SLC5A4: variants seen among roughly 807,000 people sequenced by gnomAD.
SLC5A4 encodes the protein probable glucose sensor protein SLC5A4.
Under a neutral mutation model 70.3 loss-of-function variants are expected in SLC5A4, and 55 were observed. The observed-to-expected ratio is 0.78, with a 90% CI of 0.63 to 0.98. The LOEUF is 0.98. Among genes scored for constraint, SLC5A4 ranks in the 50% least tolerant of loss-of-function variants. SLC5A4 has a pLI of 0.00. For synonymous variants in SLC5A4, 268 were observed against 305.7 expected (o/e 0.88, Z 1.29); for missense variants, 735 against 839.2 (o/e 0.88, Z 1.53).
At chr22:32,340,047 C>T in the SLC5A4 span, among the ~76,000 whole-genome samples, 2 of 152,238 alleles carry the variant, frequency 1.3e-5, no homozygotes, top group Admixed American at 1.3e-4. Context: ...AGAAGTTGCT[C>T]TTCCCAGTAG....
chr22:32,257,826 C>T (rs1273845599), upstream of SLC5A4, among the ~76,000 whole-genome samples: 2 of 151,614 alleles, frequency 1.3e-5, no homozygotes, highest in African/African-American at 2.4e-5. Flanking sequence ...CCACCATGCC[C>T]GGCTATTTTT....
At chr22:32,333,255 C>T in the SLC5A4 span, among the ~76,000 whole-genome samples, 1 of 146,860 alleles carries the variant, frequency 6.8e-6, no homozygotes, top group East Asian at 2.1e-4. Context: ...GGAAACAGGC[C>T]ACGGGGCTCT....
At chr22:32,342,479 A>C in the SLC5A4 span, among the ~76,000 whole-genome samples, 3 of 152,312 alleles carry the variant, frequency 2.0e-5, no homozygotes, top group African/African-American at 7.2e-5. Flanking sequence ...ACAGACTTTA[A>C]GATAAACAAA....
chr22:32,312,827 G>C, the SLC5A4 span, among the ~76,000 whole-genome samples: 1 of 152,174 alleles, frequency 6.6e-6, no homozygotes, highest in Non-Finnish European at 1.5e-5. Flanking sequence ...TTTTCTGGAG[G>C]AAATACAAGG....
chr22:32,276,044 G>A, the SLC5A4 span, among the ~76,000 whole-genome samples: 2 of 151,954 alleles, frequency 1.3e-5, no homozygotes, highest in Non-Finnish European at 2.9e-5. Flanking sequence ...CATATCCTTC[G>A]CCACAATTTT....
the SLC5A4 span, among the ~76,000 whole-genome samples, chr22:32,294,821 A>C: frequency 0.26 from 9,352 of 36,136 alleles, 92 homozygotes; most frequent in Middle Eastern, 0.29. Flanking sequence ...CCCCTCCCCC[A>C]ACCCCACAAC....
the SLC5A4 span, among the ~76,000 whole-genome samples, chr22:32,298,522 T>A: frequency 3.9e-4 from 38 of 96,242 alleles, 7 homozygotes; most frequent in South Asian, 0.014. Flanking sequence ...TCTTCCTCCA[T>A]CCTATTATTT....
At chr22:32,336,123 G>A in the SLC5A4 span, among the ~76,000 whole-genome samples, 1 of 152,080 alleles carries the variant, frequency 6.6e-6, no homozygotes, top group African/African-American at 2.4e-5. Context: ...GCCTGATCTG[G>A]GAGCTGGGCC....
chr22:32,316,942 G>GTA, the SLC5A4 span, among the ~76,000 whole-genome samples: 4 of 151,026 alleles, frequency 2.6e-5, no homozygotes, highest in African/African-American at 9.7e-5. Context: ...CTCTGTGTGT[G>GTA]TGTGTGTGTG....
chr22:32,334,933 T>C, the SLC5A4 span, among the ~76,000 whole-genome samples: 15 of 152,198 alleles, frequency 9.9e-5, no homozygotes, highest in African/African-American at 3.6e-4. Flanking sequence ...TCCACACTTG[T>C]AGGAGGAGCT....
intron 14 of SLC5A4, among the ~76,000 whole-genome samples, chr22:32,219,893 A>G (rs557518586): frequency 2.0e-4 from 30 of 152,228 alleles, no homozygotes; most frequent in African/African-American, 6.3e-4. Context: ...GAATAACTTT[A>G]TGCCAATATA....
At chr22:32,262,444 T>C in the SLC5A4 span, among the ~76,000 whole-genome samples, 17 of 152,184 alleles carry the variant, frequency 1.1e-4, no homozygotes, top group Non-Finnish European at 2.2e-4. Flanking sequence ...TAGCAGCTTC[T>C]AGTTACCCTG....
intron 3 of SLC5A4, among the ~76,000 whole-genome samples, chr22:32,250,624 T>C (rs1180317997): frequency 6.6e-6 from 1 of 152,240 alleles, no homozygotes; most frequent in African/African-American, 2.4e-5. Flanking sequence ...CAAAGGATTA[T>C]AAATCATTCT....
chr22:32,336,354 TTTG>T, the SLC5A4 span, among the ~76,000 whole-genome samples: 11 of 152,248 alleles, frequency 7.2e-5, no homozygotes, highest in Admixed American at 2.0e-4. Context: ...GAAGCGTCTT[TTTG>T]TTAATTACTC....
In SLC5A4 at chr22:32,234,887, A is replaced by G; in HGVS notation, c.871T>C (p.Trp291Arg). 1.2e-6 allele frequency: 2 copies of G among 1,610,056 alleles called. No individual in the cohort carries two copies. Among genetic ancestry groups the G allele is most frequent in the Non-Finnish European group, 8.5e-7 (1 of 1,178,020 alleles). The part of the protein sequence containing the change: ...FGMPITALWY[W>R]CTNQVIVQRC... ...ATATACTTCACCTGATTTGTGCACC[A>G]GTACCACAAAGCTGTAATGGGCATT... The change falls in exon 8 of 15, where the codon TGG (tryptophan) becomes CGG (arginine). Residue 291 changes from tryptophan to arginine, a missense_variant. Trp to Arg is a moderately radical substitution (Grantham distance 101). Coordinates refer to ENST00000266086, the MANE Select transcript of SLC5A4 (RefSeq NM_014227.3).
chr22:32,239,117 AAG>A lies in SLC5A4; in HGVS notation c.478-29_478-28del, dbSNP rs1603230756. On this transcript the variant is annotated intron_variant, in intron 5 of 14. Coordinates refer to ENST00000266086, the MANE Select transcript of SLC5A4 (RefSeq NM_014227.3). ...TAAAAAGGGAACAGTCAGGATGAGA[AAG>A]AAACATGCATTTGAGGCCACTGGCT... is the stretch of plus-strand genomic sequence containing the variant. The A allele has an allele frequency of 3.2e-6, 5 of 1,562,506 alleles. No homozygotes were observed. In the East Asian group the frequency reaches 1.1e-4, roughly 35 times the overall value.
chr22:32,290,914 G>A, the SLC5A4 span, among the ~76,000 whole-genome samples: 2 of 152,068 alleles, frequency 1.3e-5, no homozygotes, highest in African/African-American at 2.4e-5. Context: ...ATCACATTGG[G>A]TCTTAGGTTT....
the SLC5A4 span, among the ~76,000 whole-genome samples, chr22:32,321,543 G>A: frequency 1.3e-5 from 2 of 152,188 alleles, no homozygotes; most frequent in African/African-American, 4.8e-5. Flanking sequence ...GGGGTTTGTT[G>A]TACAGATTAT....
the SLC5A4 span, among the ~76,000 whole-genome samples, chr22:32,321,600 T>A: frequency 4.6e-5 from 7 of 152,344 alleles, no homozygotes; most frequent in East Asian, 1.2e-3. Context: ...TATTTTTTCC[T>A]GGTCCTCCCC....
Sources: allele counts gnomAD v4.1 joint callset (sites outside exome capture counted in the v4.1 genomes callset), GRCh38; gene constraint gnomAD v4.1.1; transcripts MANE v1.5; gene names NCBI Gene and HGNC (gene_info 2026-07-23, HGNC 2026-07-21).